The following ZNF260 variants were observed in gnomAD, a reference collection of about 807,000 sequenced individuals.
ZNF260 encodes zfp-260.
ZNF260 carries 21 observed loss-of-function variants against 29.3 expected under a neutral mutation model. The observed-to-expected ratio is 0.72, with a 90% CI of 0.51 to 1.03. The LOEUF (loss-of-function observed/expected upper bound fraction) is 1.03, where lower values mean the gene tolerates loss of function less well. ZNF260 is among the 50% of genes least tolerant of loss of function. The pLI, the probability that ZNF260 is intolerant of heterozygous loss-of-function variation, is 0.00. For missense variants in ZNF260, 465 were observed against 487.8 expected (o/e 0.95, Z 0.44); for synonymous variants, 156 against 156.8 (o/e 0.99, Z 0.04).
In ZNF260 at chr19:36,515,653, T is replaced by C. The variant is rs1344958058; in HGVS notation, c.-415A>G. The C allele has an allele frequency of 6.0e-6, 1 of 167,006 alleles. No individual in the cohort carries two copies. The highest frequency in any genetic ancestry group is 1.4e-5 in the Non-Finnish European group (1 of 69,972). 10.3% of individuals were successfully genotyped at this position (167,006 alleles called of 1,614,324 possible). A position where few individuals can be genotyped will look rare whatever the true frequency, so the allele number is the denominator to read the frequency against. On this transcript the variant is annotated 5_prime_UTR_variant, in exon 3 of 3. Coordinates refer to ENST00000523638, the MANE Select transcript of ZNF260 (RefSeq NM_001166037.2). ...AGAAAGATGAGACTTAACTTACAAG[T>C]CTTTCATGTTGCGTCTTTATCTGTT...
chr19:36,522,043 C>T (rs1218066966), intron 2 of ZNF260, among the ~76,000 whole-genome samples: 1 of 151,878 alleles, frequency 6.6e-6, no homozygotes, highest in Non-Finnish European at 1.5e-5. Context: ...TGTGAGACTT[C>T]ATCTCAAACA....
chr19:36,514,435 T>C lies in ZNF260; in HGVS notation c.804A>G (p.Lys268=). The C allele has an allele frequency of 6.2e-7, 1 of 1,614,104 alleles. No individual in the cohort carries two copies. The highest frequency in any genetic ancestry group is 8.5e-7 in the Non-Finnish European group (1 of 1,180,004). ...SGKSNLTEHE[K]IHIGEKPYKC... is the part of the protein sequence containing the mutation. ...TGTAGGGTTTCTCTCCAATATGAAT[T>C]TTCTCATGCTCTGTGAGATTTGACT... Residue 268 remains lysine (K), a synonymous_variant, in exon 3 of 3, where the codon AAA becomes AAG. Coordinates refer to ENST00000523638, the MANE Select transcript of ZNF260 (RefSeq NM_001166037.2).
At position 36,514,455 on chromosome 19, in the gene ZNF260, T is replaced by G. The variant is rs747615613; in HGVS notation, c.784A>C (p.Asn262His). 16 of 1,613,624 alleles carry G rather than the reference T, an allele frequency of 9.9e-6. No homozygotes were observed. The Middle Eastern group carries it at 9.9e-4, about 100-fold the overall frequency. The change falls in exon 3 of 3, where the codon AAT (asparagine) becomes CAT (histidine). Residue 262 changes from asparagine to histidine, a missense_variant. Transcript: ENST00000523638. ...TGAATTTTCTCATGCTCTGTGAGAT[T>G]TGACTTGCCACTGAAGGCTTTCCCA... ...ECGKAFSGKS[N>H]LTEHEKIHIG...
intron 1 of ZNF260, among the ~76,000 whole-genome samples, chr19:36,526,448 G>A (rs2034735111): frequency 1.3e-5 from 2 of 152,140 alleles, no homozygotes; most frequent in Admixed American, 6.5e-5. Context: ...GCTGAGGCAG[G>A]AGAATCGCTT....
At chr19:36,520,726 G>T (rs150914390) in intron 2 of ZNF260, among the ~76,000 whole-genome samples, 64 of 152,180 alleles carry the variant, frequency 4.2e-4, no homozygotes, top group African/African-American at 1.5e-3. Context: ...TAGGCGTGGT[G>T]GCGGGCGCCT....
rs2034491393 is a variant in ZNF260, at chr19:36,513,805, G to T, written c.*195C>A. On this transcript the variant is annotated 3_prime_UTR_variant, in exon 3 of 3. Transcript: ENST00000523638. The stretch of plus-strand genomic sequence containing the variant: ...TAGAAGTACAGCATTGATAATGCTT[G>T]TTGTGGGAGTTTTGGGGGTACGGGT... The T allele has an allele frequency of 1.6e-6, 1 of 612,134 alleles. No individual in the cohort carries two copies. The highest frequency in any genetic ancestry group is 2.8e-6 in the Non-Finnish European group (1 of 352,454). 37.9% of individuals were successfully genotyped at this position (612,134 alleles called of 1,614,324 possible). A position where few individuals can be genotyped will look rare whatever the true frequency, so the allele number is the denominator to read the frequency against.
chr19:36,516,107 G>A (rs1269367526), intron 2 of ZNF260, among the ~76,000 whole-genome samples: 2 of 151,964 alleles, frequency 1.3e-5, no homozygotes, highest in African/African-American at 4.8e-5. Flanking sequence ...CCCGACTTTG[G>A]GTGATCCGCC....
chr19:36,514,493 G>A lies in ZNF260; in HGVS notation c.746C>T (p.Thr249Met), dbSNP rs775783148. ...QRSHTGEKPY[T>M]CKECGKAFSG... ...GAAGGCTTTCCCACATTCCTTACAC[G>A]TATAAGGTTTCTCTCCTGTGTGACT... is the stretch of plus-strand genomic sequence containing the variant. The change falls in exon 3 of 3, where the codon ACG (threonine) becomes ATG (methionine). Residue 249 changes from threonine (T) to methionine (M), a missense_variant. Coordinates refer to ENST00000523638, the MANE Select transcript of ZNF260 (RefSeq NM_001166037.2). 22 of 1,613,812 alleles carry A rather than the reference G, an allele frequency of 1.4e-5. No individual in the cohort carries two copies. The highest frequency in any genetic ancestry group is 1.7e-4 in the Middle Eastern group (1 of 6,060).
In ZNF260 at chr19:36,512,676, TTCA is replaced by T. The variant is rs2034470773; in HGVS notation, c.*1321_*1323del. On this transcript the variant is annotated 3_prime_UTR_variant, in exon 3 of 3. Coordinates refer to ENST00000523638, the MANE Select transcript of ZNF260 (RefSeq NM_001166037.2). ...TTCACAGAAGCATCATTACAATATG[TTCA>T]TCATTTTTCTTCACTCTAATTTTTT... is the stretch of plus-strand genomic sequence containing the variant. 3 of 152,138 alleles carry T rather than the reference TTCA, an allele frequency of 2.0e-5. No individual in the cohort carries two copies. Among genetic ancestry groups the T allele is most frequent in the Non-Finnish European group, 4.4e-5 (3 of 68,018 alleles). The allele number at this position is 152,138 out of a possible 1,614,324, so 9.4% of individuals were successfully genotyped here. A position where few individuals can be genotyped will look rare whatever the true frequency, so the allele number is the denominator to read the frequency against.
intron 2 of ZNF260, among the ~76,000 whole-genome samples, chr19:36,522,479 AT>A (rs1388975131): frequency 6.6e-6 from 1 of 152,098 alleles, no homozygotes; most frequent in African/African-American, 2.4e-5. Flanking sequence ...AATAAATAAA[AT>A]AAAAAAAAAC....
rs143195753 is a variant in ZNF260 at position 36,514,838 on chromosome 19, T to G, written c.401A>C (p.Lys134Thr). Residue 134 changes from lysine (K) to threonine (T), a missense_variant, in exon 3 of 3, where the codon AAA becomes ACA. Coordinates refer to ENST00000523638, the MANE Select transcript of ZNF260 (RefSeq NM_001166037.2). The stretch of plus-strand genomic sequence containing the variant: ...GCCACATTCCTTACATGCATAGGGT[T>G]TGGTTCCTGTATGATTTTTCTGGTG... ...IRHQKNHTGT[K>T]PYACKECGKA... The G allele has an allele frequency of 3.2e-5, 52 of 1,613,930 alleles. No individual in the cohort carries two copies. The African/African-American group carries it at 6.8e-4, about 21-fold the overall frequency.
At chr19:36,516,642 G>T (rs368422955) in intron 2 of ZNF260, among the ~76,000 whole-genome samples, 1 of 152,128 alleles carries the variant, frequency 6.6e-6, no homozygotes, top group Non-Finnish European at 1.5e-5. Context: ...GCAGTGGCAT[G>T]ATCTCGGCTC....
chr19:36,513,563 TCA>T lies in ZNF260; in HGVS notation c.*435_*436del. ...ACATTTCTGAATTCAATATTCTGTC[TCA>T]GTCTCAGTTTTATGACTGCTTCAAC... On this transcript the variant is annotated 3_prime_UTR_variant, in exon 3 of 3. Transcript: ENST00000523638. The T allele has an allele frequency of 2.5e-6, 1 of 402,530 alleles. No homozygotes were observed. The highest frequency in any genetic ancestry group is 4.4e-6 in the Non-Finnish European group (1 of 227,606). The allele number at this position is 402,530 out of a possible 1,614,324, so 24.9% of individuals were successfully genotyped here.
chr19:36,522,495 C>A (rs1296565377), intron 2 of ZNF260, among the ~76,000 whole-genome samples: 4 of 152,056 alleles, frequency 2.6e-5, no homozygotes, highest in Non-Finnish European at 5.9e-5. Context: ...AAAAACACCA[C>A]AAGGTTGGCA....
chr19:36,514,922 G>T lies in ZNF260; in HGVS notation c.317C>A (p.Thr106Asn). ...TTCACATTCATAAGGTTTCTCTCCA[G>T]TGTGATGTTTCTGATGAGAAAGGAA... ...ENFLSHQKHHTGEKPYECEKV... is the reference protein window; with the variant it reads ...ENFLSHQKHHNGEKPYECEKV... Residue 106 changes from threonine (T) to asparagine (N), a missense_variant, in exon 3 of 3, where the codon ACT becomes AAT. Thr to Asn is a moderately conservative substitution (Grantham distance 65, BLOSUM62 0). Coordinates refer to ENST00000523638, the MANE Select transcript of ZNF260 (RefSeq NM_001166037.2). The T allele has an allele frequency of 6.2e-7, 1 of 1,614,122 alleles. No homozygotes were observed. Among genetic ancestry groups the T allele is most frequent in the Non-Finnish European group, 8.5e-7 (1 of 1,180,014 alleles).
At chr19:36,524,308 T>A (rs1198873629) in intron 2 of ZNF260, among the ~76,000 whole-genome samples, 1 of 151,992 alleles carries the variant, frequency 6.6e-6, no homozygotes, top group Non-Finnish European at 1.5e-5. Context: ...CCTGAGTAGC[T>A]GGAACTACAG....
intron 1 of ZNF260, among the ~76,000 whole-genome samples, chr19:36,527,605 A>G (rs1212274279): frequency 6.6e-6 from 1 of 152,142 alleles, no homozygotes; most frequent in Non-Finnish European, 1.5e-5. Context: ...CGTCTGCGCT[A>G]TTGGAAACTA....
Position 36,514,191 on chromosome 19 carries a change from G to T in ZNF260, c.1048C>A (p.His350Asn), listed in dbSNP as rs762485183. 1.2e-6 allele frequency: 2 copies of T among 1,614,090 alleles called. No individual in the cohort carries two copies. Among genetic ancestry groups the T allele is most frequent in the South Asian group, 1.1e-5 (1 of 91,078 alleles). ...AFCQSSSLTV[H>N]MRSHTGEKPY... ...TTCTCACCTGTATGGCTTCTCATAT[G>T]CACAGTAAGAGATGAGCTTTGACAG... is the stretch of plus-strand genomic sequence containing the variant. Residue 350 changes from histidine (H) to asparagine (N), a missense_variant, in exon 3 of 3, where the codon CAT becomes AAT. Coordinates refer to ENST00000523638, the MANE Select transcript of ZNF260 (RefSeq NM_001166037.2).
intron 2 of ZNF260, among the ~76,000 whole-genome samples, chr19:36,519,575 T>C (rs1353417663): frequency 1.3e-5 from 2 of 152,182 alleles, no homozygotes; most frequent in Non-Finnish European, 2.9e-5. Flanking sequence ...ATTAATCAGT[T>C]TATCCTATAT....
Sources: allele counts gnomAD v4.1 joint callset (sites outside exome capture counted in the v4.1 genomes callset), GRCh38; gene constraint gnomAD v4.1.1; transcripts MANE v1.5; gene names NCBI Gene and HGNC (gene_info 2026-07-23, HGNC 2026-07-21).